Variants in SMIM13 observed in about 807,000 individuals in gnomAD.
SMIM13 encodes UPF0766 protein C6orf228.
A neutral mutation model predicts 5.9 loss-of-function variants in SMIM13; 3 were observed. The ratio of observed to expected loss-of-function variants is 0.51; its 90% CI spans 0.23 to 1.31. The LOEUF is 1.31. Among genes scored for constraint, SMIM13 ranks in the 40% most tolerant of loss-of-function variants. SMIM13 has a pLI of 0.18. For synonymous variants in SMIM13, 55 were observed against 46.0 expected, an observed-to-expected ratio of 1.19 and a Z score of -0.79; for missense variants, 85 against 109.9, an observed-to-expected ratio of 0.77 and a Z score of 1.01.
chr6:11,109,189 C>A (rs962513282), intron 1 of SMIM13, among the ~76,000 whole-genome samples: 1 of 152,242 alleles, frequency 6.6e-6, no homozygotes, highest in Non-Finnish European at 1.5e-5. Flanking sequence ...CCTAGTATGA[C>A]TGAGAGGTCC....
At chr6:11,125,259 C>T (rs1433410708) in intron 1 of SMIM13, among the ~76,000 whole-genome samples, 3 of 137,298 alleles carry the variant, frequency 2.2e-5, no homozygotes, top group Non-Finnish European at 4.6e-5. Context: ...TGCGCTACTG[C>T]ACTCCAGTCT....
chr6:11,137,249 A>G lies in SMIM13; in HGVS notation c.*2647A>G, dbSNP rs1364761552. 2.0e-5 allele frequency: 3 copies of G among 152,170 alleles called. No individual in the cohort carries two copies. The highest frequency in any genetic ancestry group is 7.2e-5 in the African/African-American group (3 of 41,456). 9.4% of individuals were successfully genotyped at this position (152,170 alleles called of 1,614,324 possible). A position where few individuals can be genotyped will look rare whatever the true frequency, so the allele number is the denominator to read the frequency against. On this transcript the variant is annotated 3_prime_UTR_variant, in exon 2 of 2. Coordinates refer to ENST00000416247, the MANE Select transcript of SMIM13 (RefSeq NM_001135575.2). Reference sequence around the variant, plus strand: ...AGGGTAAAGAAACATCACTGATGCCAATATGAAGATCTATAAACAAATCCT... The same window carrying G: ...AGGGTAAAGAAACATCACTGATGCCGATATGAAGATCTATAAACAAATCCT...
chr6:11,114,523 A>G (rs1295014514), intron 1 of SMIM13, among the ~76,000 whole-genome samples: 1 of 136,508 alleles, frequency 7.3e-6, no homozygotes. Flanking sequence ...TTTTTTTTAA[A>G]TCAGGAGTGG....
At position 11,127,571 on chromosome 6, in the gene SMIM13, T is replaced by C. The variant is rs1758393200; in HGVS notation, c.77-6832T>C. 2.0e-5 allele frequency among the ~76,000 whole-genome samples: 3 copies of C among 152,214 alleles called. No individual in the cohort carries two copies. In the South Asian group the frequency reaches 6.2e-4, roughly 32 times the overall value. The stretch of plus-strand genomic sequence containing the variant: ...CGTGGCTGGGGAAGACTCACAATTA[T>C]GGTGGAAGGCAAGGAGGAGCAAGTC... On this transcript the variant is annotated intron_variant, in intron 1 of 1. Coordinates refer to ENST00000416247, the MANE Select transcript of SMIM13 (RefSeq NM_001135575.2).
rs953338898 is a variant in SMIM13, at chr6:11,134,612, T to G, written c.*10T>G. Reference sequence around the variant, plus strand: ...CAGACCCCTGACATAGTCCTGTACTTGTGAAGGATGAAAAGGCAGTTGCCA... The same window carrying G: ...CAGACCCCTGACATAGTCCTGTACTGGTGAAGGATGAAAAGGCAGTTGCCA... On this transcript the variant is annotated 3_prime_UTR_variant, in exon 2 of 2. Transcript: ENST00000416247. 3.4e-6 allele frequency: 5 copies of G among 1,459,346 alleles called. No homozygotes were observed. The African/African-American group carries it at 7.1e-5, about 21-fold the overall frequency. The allele number at this position is 1,459,346 out of a possible 1,614,324, so 90.4% of individuals were successfully genotyped here.
At chr6:11,126,138 C>G (rs1758373744) in intron 1 of SMIM13, among the ~76,000 whole-genome samples, 1 of 152,204 alleles carries the variant, frequency 6.6e-6, no homozygotes, top group African/African-American at 2.4e-5. Context: ...CAACCTCCGC[C>G]TCCCGGGTTC....
intron 1 of SMIM13, among the ~76,000 whole-genome samples, chr6:11,125,150 C>T (rs986316499): frequency 6.0e-5 from 9 of 151,146 alleles, no homozygotes; most frequent in Non-Finnish European, 8.8e-5. Context: ...TGGTGGTGTG[C>T]GCCCGTAAGG....
chr6:11,095,455 C>G (rs1757911686), intron 1 of SMIM13, among the ~76,000 whole-genome samples: 1 of 152,234 alleles, frequency 6.6e-6, no homozygotes, highest in South Asian at 2.1e-4. Flanking sequence ...AAGTGATTCT[C>G]CTGCCTCAGA....
intron 1 of SMIM13, among the ~76,000 whole-genome samples, chr6:11,099,915 T>C (rs1267517339): frequency 6.6e-6 from 1 of 152,344 alleles, no homozygotes; most frequent in South Asian, 2.1e-4. Context: ...ATTTTGACTC[T>C]GTAAACATTA....
chr6:11,124,197 A>G (rs529971287), intron 1 of SMIM13, among the ~76,000 whole-genome samples: 31 of 152,250 alleles, frequency 2.0e-4, no homozygotes, highest in African/African-American at 6.0e-4. Context: ...TCTACTTTCT[A>G]TAAGTTCAGT....
chr6:11,104,245 G>T (rs1758047192), intron 1 of SMIM13: 1 of 1,551,586 alleles, frequency 6.4e-7, no homozygotes, highest in Admixed American at 2.0e-5. Context: ...GCGAGAAGGG[G>T]AATGAAATGG....
intron 1 of SMIM13, among the ~76,000 whole-genome samples, chr6:11,108,500 G>A (rs1263723886): frequency 6.6e-6 from 1 of 152,296 alleles, no homozygotes; most frequent in Middle Eastern, 3.4e-3. Flanking sequence ...AGCATGGAGA[G>A]CTGGGGGTGG....
chr6:11,117,888 T>G (rs1184765146), intron 1 of SMIM13, among the ~76,000 whole-genome samples: 1 of 152,090 alleles, frequency 6.6e-6, no homozygotes, highest in Non-Finnish European at 1.5e-5. Flanking sequence ...TAGCTGGGAT[T>G]GCATGCCCAA....
intron 1 of SMIM13, among the ~76,000 whole-genome samples, chr6:11,120,273 A>C (rs984467844): frequency 1.3e-5 from 2 of 152,222 alleles, no homozygotes; most frequent in African/African-American, 4.8e-5. Flanking sequence ...CTGTAACAGA[A>C]ATACCATAGA....
intron 1 of SMIM13, among the ~76,000 whole-genome samples, chr6:11,099,621 C>G (rs1357121146): frequency 1.3e-5 from 2 of 152,170 alleles, no homozygotes; most frequent in African/African-American, 2.4e-5. Context: ...AACATTTGTT[C>G]AACAAATGAA....
intron 1 of SMIM13, among the ~76,000 whole-genome samples, chr6:11,133,102 C>T (rs1307754798): frequency 6.6e-6 from 1 of 152,190 alleles, no homozygotes; most frequent in East Asian, 1.9e-4. Context: ...TCTGTCAGAA[C>T]TGGAACTCCT....
chr6:11,126,038 A>G (rs764071545), intron 1 of SMIM13, among the ~76,000 whole-genome samples: 3 of 151,886 alleles, frequency 2.0e-5, no homozygotes, highest in Non-Finnish European at 4.4e-5. Context: ...CTCTGACTGC[A>G]TATTTTCATT....
Position 11,112,995 on chromosome 6 carries a change from A to AT in SMIM13, c.76+18613dup, listed in dbSNP as rs1457947230. Among the ~76,000 whole-genome samples the AT allele has an allele frequency of 5.3e-5, 8 of 151,564 alleles. No homozygotes were observed. In the South Asian group the frequency reaches 1.0e-3, roughly 20 times the overall value. ...GCTAATTTATTTTATTTTATTATAT[A>AT]TTTTTTTGTATTTTTAGTAGAGACG... On this transcript the variant is annotated intron_variant, in intron 1 of 1. Coordinates refer to ENST00000416247, the MANE Select transcript of SMIM13 (RefSeq NM_001135575.2).
rs547945329 is a variant in SMIM13 at position 11,137,472 on chromosome 6, G to A, written c.*2870G>A. 6.6e-6 allele frequency: 1 copy of A among 152,168 alleles called. No homozygotes were observed. The highest frequency in any genetic ancestry group is 2.1e-4 in the South Asian group (1 of 4,804). 9.4% of individuals were successfully genotyped at this position (152,168 alleles called of 1,614,324 possible). ...ACTACATTTGCAGTCTCAGTGGGAG[G>A]TGGACTAGCCTGTGGTTAATTTTAG... On this transcript the variant is annotated 3_prime_UTR_variant, in exon 2 of 2. Coordinates refer to ENST00000416247, the MANE Select transcript of SMIM13 (RefSeq NM_001135575.2).
Sources: allele counts gnomAD v4.1 joint callset (sites outside exome capture counted in the v4.1 genomes callset), GRCh38; gene constraint gnomAD v4.1.1; transcripts MANE v1.5; gene names NCBI Gene and HGNC (gene_info 2026-07-23, HGNC 2026-07-21).